Variants in CSMD1 observed in about 807,000 individuals in gnomAD.
CSMD1 encodes CUB and Sushi multiple domains 1.
A neutral mutation model predicts 417.5 loss-of-function variants in CSMD1; 213 were observed. The ratio of observed to expected loss-of-function variants is 0.51; its 90% CI spans 0.46 to 0.57. The LOEUF (loss-of-function observed/expected upper bound fraction) is 0.57. Ranked by LOEUF, CSMD1 falls within the 20% of genes least tolerant of loss-of-function variation. The pLI is 0.00. For missense variants in CSMD1, 6,923 were observed against 4,529.7 expected (o/e 1.53, Z -15.17); for synonymous variants, 2,862 against 1,736.8 (o/e 1.65, Z -16.11).
chr8:3,629,955 A>C (rs1396095185), intron 7 of CSMD1, among the ~76,000 whole-genome samples: 3 of 152,214 alleles, frequency 2.0e-5, no homozygotes, highest in Non-Finnish European at 2.9e-5. Context: ...AGTCTTATTG[A>C]ATTATATTTA....
At chr8:3,268,646 A>T (rs1197106872) in intron 26 of CSMD1, among the ~76,000 whole-genome samples, 1 of 152,124 alleles carries the variant, frequency 6.6e-6, no homozygotes, top group Non-Finnish European at 1.5e-5. Context: ...TCATTACTGA[A>T]ACAATTTATT....
chr8:3,947,319 A>G (rs757006378), intron 5 of CSMD1, among the ~76,000 whole-genome samples: 3 of 152,130 alleles, frequency 2.0e-5, no homozygotes, highest in Non-Finnish European at 2.9e-5. Flanking sequence ...GTCTGTTAAG[A>G]TTATGAATTA....
At chr8:3,524,478 C>G (rs1156251024) in intron 10 of CSMD1, among the ~76,000 whole-genome samples, 1 of 151,626 alleles carries the variant, frequency 6.6e-6, no homozygotes, top group African/African-American at 2.4e-5. Flanking sequence ...CCCAGAAAGA[C>G]ATGTGCACAC....
At chr8:4,188,444 C>T (rs1417540739) in intron 3 of CSMD1, among the ~76,000 whole-genome samples, 2 of 152,116 alleles carry the variant, frequency 1.3e-5, no homozygotes, top group African/African-American at 4.8e-5. Context: ...TCCTGAAATC[C>T]AGCCTGAGAA....
chr8:4,052,458 C>A (rs1388124568), intron 3 of CSMD1, among the ~76,000 whole-genome samples: 1 of 152,200 alleles, frequency 6.6e-6, no homozygotes, highest in Non-Finnish European at 1.5e-5. Context: ...ATTTTGCCCA[C>A]TGCAAGATGG....
intron 18 of CSMD1, among the ~76,000 whole-genome samples, chr8:3,381,633 G>C (rs555526255): frequency 1.1e-4 from 16 of 152,230 alleles, no homozygotes; most frequent in Admixed American, 5.2e-4. Context: ...TAATTAGCCA[G>C]TAGTTATCAT....
intron 1 of CSMD1, among the ~76,000 whole-genome samples, chr8:4,772,072 G>A (rs1012294830): frequency 6.6e-6 from 1 of 152,204 alleles, no homozygotes; most frequent in African/African-American, 2.4e-5. Context: ...TCGGCAGGCT[G>A]TATTTCTTCC....
At chr8:3,684,869 A>G (rs954646801) in intron 7 of CSMD1, among the ~76,000 whole-genome samples, 2 of 152,082 alleles carry the variant, frequency 1.3e-5, no homozygotes, top group Admixed American at 6.6e-5. Flanking sequence ...GAATTCTTAC[A>G]TACTTTATTG....
intron 3 of CSMD1, among the ~76,000 whole-genome samples, chr8:4,417,011 C>T (rs1796978268): frequency 6.6e-6 from 1 of 151,972 alleles, no homozygotes; most frequent in Admixed American, 6.6e-5. Context: ...ACAATTAAGA[C>T]TAATGTCCAA....
chr8:4,002,209 GTGTGTGTGAGTGTGTGTGCA>G (rs1283108750), intron 4 of CSMD1, among the ~76,000 whole-genome samples: 1 of 151,290 alleles, frequency 6.6e-6, no homozygotes, highest in Non-Finnish European at 1.5e-5. Flanking sequence ...CTGTGAGTGT[GTGTGTGTGAGTGTGTGTGCA>G]TGTGTGTGCG....
chr8:3,822,097 G>A (rs17067668), intron 5 of CSMD1, among the ~76,000 whole-genome samples: 3,023 of 151,986 alleles, frequency 0.02, 103 homozygotes, highest in African/African-American at 0.068. Flanking sequence ...CCTATGTTTT[G>A]TCTCCGATTT....
At chr8:4,186,978 T>A (rs756342719) in intron 3 of CSMD1, among the ~76,000 whole-genome samples, 1 of 152,164 alleles carries the variant, frequency 6.6e-6, no homozygotes, top group South Asian at 2.1e-4. Context: ...CAAGATTCTG[T>A]CTCAAAAAAA....
intron 1 of CSMD1, among the ~76,000 whole-genome samples, chr8:4,967,549 C>G (rs1563893875): frequency 6.6e-6 from 1 of 152,126 alleles, no homozygotes; most frequent in Non-Finnish European, 1.5e-5. Context: ...ATATTTTCCC[C>G]CATGCAAATT....
chr8:4,761,087 A>T (rs1371770856), intron 1 of CSMD1, among the ~76,000 whole-genome samples: 1 of 152,208 alleles, frequency 6.6e-6, no homozygotes, highest in Admixed American at 6.5e-5. Context: ...GTGTTTGTTA[A>T]TCAGACTGCA....
chr8:3,759,253 A>ATATGG (rs1441029760), intron 5 of CSMD1, among the ~76,000 whole-genome samples: 7 of 152,336 alleles, frequency 4.6e-5, no homozygotes, highest in African/African-American at 1.4e-4. Flanking sequence ...AAGTGGCTTA[A>ATATGG]AAAGACCAAA....
intron 6 of CSMD1, among the ~76,000 whole-genome samples, chr8:3,717,761 G>T (rs1020731721): frequency 2.0e-5 from 3 of 152,076 alleles, no homozygotes; most frequent in Non-Finnish European, 4.4e-5. Context: ...TGACCTCTTT[G>T]AACAGTTTTC....
intron 37 of CSMD1, among the ~76,000 whole-genome samples, chr8:3,178,999 G>A (rs551972798): frequency 2.7e-5 from 4 of 149,144 alleles, no homozygotes; most frequent in Middle Eastern, 3.6e-3. Flanking sequence ...CCAGGCTGGA[G>A]TGCAGTGGCG....
intron 52 of CSMD1, among the ~76,000 whole-genome samples, chr8:3,013,397 T>G (rs1234441137): frequency 6.6e-6 from 1 of 152,210 alleles, no homozygotes; most frequent in Non-Finnish European, 1.5e-5. Context: ...TGATAGCATT[T>G]TAAATATTTG....
At chr8:3,735,626 C>T (rs1796489373) in intron 6 of CSMD1, among the ~76,000 whole-genome samples, 1 of 152,160 alleles carries the variant, frequency 6.6e-6, no homozygotes, top group Non-Finnish European at 1.5e-5. Flanking sequence ...ACAGGTAAGT[C>T]TGAATCTCTT....
Sources: gnomAD v4.1 joint callset for allele counts (sites outside exome capture counted in the v4.1 genomes callset) on GRCh38, gnomAD v4.1.1 for gene constraint, MANE v1.5 for transcripts, NCBI Gene and HGNC (gene_info 2026-07-23, HGNC 2026-07-21) for gene names.